PCDHA3: variants seen among roughly 807,000 people sequenced by gnomAD.
PCDHA3 encodes the protein protocadherin alpha 3, also known as protocadherin alpha-3.
Under a neutral mutation model 62.2 loss-of-function variants are expected in PCDHA3, and 41 were observed. The observed-to-expected ratio is 0.66, with a 90% CI of 0.51 to 0.86. The LOEUF is 0.86. Ranked by LOEUF, PCDHA3 falls within the 40% of genes least tolerant of loss-of-function variation. The pLI is 0.00. For missense variants in PCDHA3, 1,304 were observed against 1,241.2 expected, an observed-to-expected ratio of 1.05 and a Z score of -0.76; for synonymous variants, 640 against 555.4, an observed-to-expected ratio of 1.15 and a Z score of -2.14.
intron 1 of PCDHA3, chr5:140,850,667 G>A (rs2150492921): frequency 2.5e-6 from 4 of 1,598,380 alleles, no homozygotes; most frequent in East Asian, 2.2e-5. Flanking sequence ...TGCGGTGCTC[G>A]GCGATGCCCA....
At chr5:140,954,844 C>T (rs1195160424) in intron 1 of PCDHA3, among the ~76,000 whole-genome samples, 1 of 152,070 alleles carries the variant, frequency 6.6e-6, no homozygotes, top group African/African-American at 2.4e-5. Flanking sequence ...GAAATCTTTG[C>T]CTGTGCCTAT....
chr5:140,817,621 A>G (rs955699396), intron 1 of PCDHA3: 1 of 152,214 alleles, frequency 6.6e-6, no homozygotes, highest in African/African-American at 2.4e-5. Context: ...GAATCATTAT[A>G]CCATTTACTT....
chr5:140,998,646 C>G (rs1413467899), intron 3 of PCDHA3, among the ~76,000 whole-genome samples: 1 of 151,870 alleles, frequency 6.6e-6, no homozygotes, highest in Non-Finnish European at 1.5e-5. Flanking sequence ...CTCACTGCAA[C>G]CTCTGCCTCC....
At chr5:140,958,652 G>A (rs991773774) in intron 1 of PCDHA3, among the ~76,000 whole-genome samples, 15 of 152,030 alleles carry the variant, frequency 9.9e-5, no homozygotes, top group Admixed American at 2.6e-4. Flanking sequence ...ATCACAGAAA[G>A]CTATGATGAA....
At chr5:140,865,904 T>A (rs1554159710) in intron 1 of PCDHA3, 1 of 152,148 alleles carries the variant, frequency 6.6e-6, no homozygotes. Context: ...TACAGGCAAA[T>A]CTTTCTTTCT....
intron 1 of PCDHA3, among the ~76,000 whole-genome samples, chr5:140,874,643 G>T (rs1423931291): frequency 1.3e-5 from 2 of 152,178 alleles, no homozygotes; most frequent in Non-Finnish European, 2.9e-5. Flanking sequence ...CTTTACTTTT[G>T]CTAGAGTAAA....
At chr5:140,872,485 G>A (rs978511800) in intron 1 of PCDHA3, among the ~76,000 whole-genome samples, 1 of 152,080 alleles carries the variant, frequency 6.6e-6, no homozygotes, top group Non-Finnish European at 1.5e-5. Flanking sequence ...AAATTAGCCA[G>A]ACCTAGTGGT....
At chr5:140,933,212 T>C (rs2088935461) in intron 1 of PCDHA3, among the ~76,000 whole-genome samples, 1 of 151,682 alleles carries the variant, frequency 6.6e-6, no homozygotes, top group African/African-American at 2.4e-5. Context: ...ATTACATGTC[T>C]GTTATATTGC....
At chr5:140,961,646 T>C (rs554070301) in intron 1 of PCDHA3, among the ~76,000 whole-genome samples, 19 of 152,328 alleles carry the variant, frequency 1.2e-4, no homozygotes, top group African/African-American at 4.6e-4. Flanking sequence ...TAAGTCTATG[T>C]GGTTAGTTTG....
chr5:140,848,352 TC>T, intron 1 of PCDHA3: 1 of 1,003,034 alleles, frequency 1.0e-6, no homozygotes, highest in Non-Finnish European at 1.5e-6. Context: ...ACAGCCCTTT[TC>T]CCATGGGAAA....
Position 140,850,457 on chromosome 5 carries a change from C to T in PCDHA3, c.2394+46866C>T, listed in dbSNP as rs2041615283. On this transcript the variant is annotated intron_variant, in intron 1 of 3. Transcript: ENST00000522353. ...GCCTACTGGTGCTGGTGAAAGACCA[C>T]GGGGAGCCAGCGCTGACGGCCACGG... is the stretch of plus-strand genomic sequence containing the variant. 8.1e-6 allele frequency: 13 copies of T among 1,597,684 alleles called. 1 individual carries two copies. Among genetic ancestry groups the T allele is most frequent in the Non-Finnish European group, 1.1e-5 (13 of 1,167,628 alleles).
chr5:140,972,540 T>G (rs1375467339), intron 1 of PCDHA3, among the ~76,000 whole-genome samples: 2 of 152,148 alleles, frequency 1.3e-5, no homozygotes, highest in Non-Finnish European at 2.9e-5. Flanking sequence ...AAATCACTTG[T>G]GCAGTGAGGA....
At chr5:140,959,751 T>C (rs553950058) in intron 1 of PCDHA3, among the ~76,000 whole-genome samples, 12 of 152,210 alleles carry the variant, frequency 7.9e-5, no homozygotes, top group Non-Finnish European at 1.8e-4. Flanking sequence ...CCTTAAAGTA[T>C]ATTTTAATAT....
In PCDHA3 at chr5:140,801,219, G is replaced by C. The variant is rs782060470; in HGVS notation, c.22G>C (p.Asp8His). The C allele has an allele frequency of 1.9e-6, 3 of 1,607,608 alleles. No individual in the cohort carries two copies. Among genetic ancestry groups the C allele is most frequent in the East Asian group, 2.2e-5 (1 of 44,756 alleles). Reference sequence around the variant, plus strand: ...TGCAATGTTGTTCTCCTGGCGAGAAGATCCTGGAGCCCAGTGCCTGCTGCT... The same window carrying C: ...TGCAATGTTGTTCTCCTGGCGAGAACATCCTGGAGCCCAGTGCCTGCTGCT... MLFSWRE[D>H]PGAQCLLLSL... The change falls in exon 1 of 4, where the codon GAT becomes CAT. Residue 8 changes from aspartate (D) to histidine (H), a missense_variant. Coordinates refer to ENST00000522353, the MANE Select transcript of PCDHA3 (RefSeq NM_018906.3).
intron 1 of PCDHA3, among the ~76,000 whole-genome samples, chr5:140,916,143 T>A (rs1237563249): frequency 4.6e-5 from 7 of 152,012 alleles, no homozygotes; most frequent in Non-Finnish European, 8.8e-5. Context: ...GCTGTTCAGT[T>A]GTGTTGTGGT....
At chr5:140,807,870 T>TA in intron 1 of PCDHA3, 1 of 1,614,150 alleles carries the variant, frequency 6.2e-7, no homozygotes, top group Non-Finnish European at 8.5e-7. Context: ...ACCGTTCAGT[T>TA]ACTCATCACA....
intron 1 of PCDHA3, among the ~76,000 whole-genome samples, chr5:140,833,662 C>T (rs1772571447): frequency 6.6e-6 from 1 of 152,130 alleles, no homozygotes; most frequent in South Asian, 2.1e-4. Context: ...AATTCTTCCC[C>T]TTCAAAGATT....
chr5:140,844,369 C>G (rs1345474134), intron 1 of PCDHA3, among the ~76,000 whole-genome samples: 1 of 149,206 alleles, frequency 6.7e-6, no homozygotes, highest in Admixed American at 6.7e-5. Context: ...GATTTGTAAT[C>G]CTTCTTTTAA....
At chr5:140,834,097 A>C (rs905857703) in intron 1 of PCDHA3, among the ~76,000 whole-genome samples, 1 of 152,208 alleles carries the variant, frequency 6.6e-6, no homozygotes, top group Non-Finnish European at 1.5e-5. Flanking sequence ...AACAATGAAG[A>C]AAAAAATTCA....
Sources: allele counts gnomAD v4.1 joint callset (sites outside exome capture counted in the v4.1 genomes callset), GRCh38; gene constraint gnomAD v4.1.1; transcripts MANE v1.5; gene names NCBI Gene and HGNC (gene_info 2026-07-23, HGNC 2026-07-21).